Variants in WDR27 observed in about 807,000 individuals in gnomAD.
WDR27 encodes the protein WD repeat domain 27, also known as WD repeat-containing protein 27.
Under a neutral mutation model 114.4 loss-of-function variants are expected in WDR27, and 100 were observed. The observed-to-expected ratio is 0.87, with a 90% CI of 0.74 to 1.03. The LOEUF is 1.03. Among genes scored for constraint, WDR27 ranks in the 50% least tolerant of loss-of-function variants. The pLI is 0.00. For synonymous variants in WDR27, 449 were observed against 423.1 expected (o/e 1.06, Z -0.75); for missense variants, 1,129 against 1,092.9 (o/e 1.03, Z -0.47).
rs957545232 is a variant in WDR27, at chr6:169,658,281, C to T, written c.1397G>A (p.Arg466Gln). 1 of 1,598,192 alleles carries T rather than the reference C, an allele frequency of 6.3e-7. No homozygotes were observed. Among genetic ancestry groups the T allele is most frequent in the Non-Finnish European group, 8.5e-7 (1 of 1,172,408 alleles). The change falls in exon 13 of 26, where the codon CGA (arginine) becomes CAA (glutamine). Residue 466 changes from arginine to glutamine, a missense_variant. Coordinates refer to ENST00000448612, the MANE Select transcript of WDR27 (RefSeq NM_182552.5). ...EKSTKAASEQRRAARNVMKDQ... is the reference protein window; with the variant it reads ...EKSTKAASEQQRAARNVMKDQ... The stretch of plus-strand genomic sequence containing the variant: ...TCACAGCACCCTGTACTGACCACGT[C>T]GCTGTTCACTAGCAGCCTTGGTACT...
At chr6:169,599,207 A>G (rs1035857330) in intron 23 of WDR27, among the ~76,000 whole-genome samples, 8 of 150,364 alleles carry the variant, frequency 5.3e-5, no homozygotes, top group African/African-American at 2.0e-4. Context: ...TCTCAAAAAC[A>G]ATAAAGCTTT....
chr6:169,511,788 T>C (rs1482059464), intron 25 of WDR27, among the ~76,000 whole-genome samples: 2 of 152,210 alleles, frequency 1.3e-5, no homozygotes, highest in Non-Finnish European at 2.9e-5. Context: ...TCTGCCATCA[T>C]TTTATATGGT....
At chr6:169,554,420 C>A (rs963694539) in intron 25 of WDR27, among the ~76,000 whole-genome samples, 11 of 152,214 alleles carry the variant, frequency 7.2e-5, no homozygotes, top group Non-Finnish European at 1.6e-4. Flanking sequence ...GCAAGCAAAT[C>A]ACAGATGTGC....
intron 17 of WDR27, among the ~76,000 whole-genome samples, chr6:169,643,470 C>A (rs9396947): frequency 2.0e-5 from 3 of 152,298 alleles, no homozygotes; most frequent in East Asian, 3.9e-4. Context: ...TGGCTCTTGG[C>A]CTCCAGGGCA....
chr6:169,528,194 T>C (rs4716363), intron 25 of WDR27, among the ~76,000 whole-genome samples: 54,749 of 152,020 alleles, frequency 0.36, 11,104 homozygotes, highest in African/African-American at 0.55. Context: ...ATAATAAAAA[T>C]AGATCTAAGG....
At chr6:169,664,617 G>C in intron 7 of WDR27, 2 of 1,138,360 alleles carry the variant, frequency 1.8e-6, no homozygotes, top group Non-Finnish European at 2.2e-6. Flanking sequence ...ACAGCCAAGA[G>C]CACGTCCCAC....
chr6:169,437,716 A>G, the WDR27 span, among the ~76,000 whole-genome samples: 1 of 152,130 alleles, frequency 6.6e-6, no homozygotes. Flanking sequence ...TTGAATTGTA[A>G]TGTATTTTTA....
the WDR27 span, among the ~76,000 whole-genome samples, chr6:169,452,160 A>G: frequency 6.6e-6 from 1 of 152,218 alleles, no homozygotes; most frequent in African/African-American, 2.4e-5. Context: ...AGTGGAAGAT[A>G]AGTCAGTAAG....
chr6:169,483,190 T>C (rs946716931), intron 25 of WDR27, among the ~76,000 whole-genome samples: 1 of 152,026 alleles, frequency 6.6e-6, no homozygotes, highest in Non-Finnish European at 1.5e-5. Flanking sequence ...AAATCAGAGC[T>C]GAACTGAAGG....
intron 23 of WDR27, among the ~76,000 whole-genome samples, chr6:169,594,075 A>G (rs2128158994): frequency 6.6e-6 from 1 of 152,262 alleles, no homozygotes; most frequent in East Asian, 1.9e-4. Flanking sequence ...ATTTGGTGCT[A>G]TAAATTTCCC....
At chr6:169,689,249 C>A in intron 1 of WDR27, 1 of 384,894 alleles carries the variant, frequency 2.6e-6, no homozygotes, top group Non-Finnish European at 4.7e-6. Context: ...AACCTTGACT[C>A]AAATACCACT....
At position 169,488,282 on chromosome 6, in the gene WDR27, G is replaced by A. The variant is rs192168307; in HGVS notation, c.2646-30648C>T. 2.0e-5 allele frequency among the ~76,000 whole-genome samples: 3 copies of A among 152,350 alleles called. No homozygotes were observed. In the East Asian group the frequency reaches 5.8e-4, roughly 29 times the overall value. ...CCGCTGTTGCTGGAGAGGCAGCCAG[G>A]ATCTGCCTGTTTGTGTGCTTTGCAG... is the stretch of plus-strand genomic sequence containing the variant. On this transcript the variant is annotated intron_variant, in intron 25 of 25. Coordinates refer to ENST00000448612, the MANE Select transcript of WDR27 (RefSeq NM_182552.5).
rs1375287539 is a variant in WDR27, at chr6:169,645,031, A to T, written c.1658-1245T>A. On this transcript the variant is annotated intron_variant, in intron 16 of 25. Transcript: ENST00000448612. ...CTCAAAAAAAAAAAAAATAAAAAAAAAAAATAAAAAAAAAAAAAAAAAAAA... is the reference window on the plus strand; with the variant it reads ...CTCAAAAAAAAAAAAAATAAAAAAATAAAATAAAAAAAAAAAAAAAAAAAA... Among the ~76,000 whole-genome samples, 10 of 128,928 alleles carry T rather than the reference A, an allele frequency of 7.8e-5. 1 individual carries two copies. The highest frequency in any genetic ancestry group is 9.6e-5 in the Non-Finnish European group (6 of 62,226). 84.6% of individuals were successfully genotyped at this position (128,928 alleles called of 152,430 possible).
intron 25 of WDR27, among the ~76,000 whole-genome samples, chr6:169,499,963 G>A (rs899251579): frequency 6.6e-6 from 1 of 152,214 alleles, no homozygotes; most frequent in Non-Finnish European, 1.5e-5. Flanking sequence ...TGAGGGCTCT[G>A]TGAATGCCCA....
intron 25 of WDR27, among the ~76,000 whole-genome samples, chr6:169,479,474 C>T (rs747627056): frequency 1.6e-4 from 25 of 152,182 alleles, no homozygotes; most frequent in Non-Finnish European, 3.4e-4. Context: ...AAAAACTTAA[C>T]TGTCCTAAAC....
intron 25 of WDR27, among the ~76,000 whole-genome samples, chr6:169,494,617 C>A (rs764763541): frequency 6.6e-6 from 1 of 152,082 alleles, no homozygotes; most frequent in African/African-American, 2.4e-5. Context: ...TTATGGGGTG[C>A]AAAACTGCAT....
intron 21 of WDR27, among the ~76,000 whole-genome samples, chr6:169,628,653 G>A (rs1815492981): frequency 6.6e-6 from 1 of 152,220 alleles, no homozygotes. Context: ...GGACAGGATG[G>A]CTGTTCCCAT....
rs769293200 is a variant in WDR27 at position 169,662,350 on chromosome 6, G to A, written c.979C>T (p.Leu327Phe). 6.2e-7 allele frequency: 1 copy of A among 1,614,022 alleles called. No homozygotes were observed. Among genetic ancestry groups the A allele is most frequent in the Admixed American group, 1.7e-5 (1 of 60,026 alleles). ...ATGAGTGAGAGATCACAGGGTGCAA[G>A]TCTCAGTACAGGAAATGTTACTTCA... Reference protein sequence around the residue: ...QVEVTFPVLRLAPCDLSLIPN... With the variant: ...QVEVTFPVLRFAPCDLSLIPN... Residue 327 changes from leucine (L) to phenylalanine (F), a missense_variant, in exon 9 of 26, where the codon CTT (leucine) becomes TTT (phenylalanine). Leu to Phe is a conservative substitution (Grantham distance 22, BLOSUM62 0). Transcript: ENST00000448612.
intron 25 of WDR27, among the ~76,000 whole-genome samples, chr6:169,555,335 G>A (rs982781644): frequency 6.6e-6 from 1 of 152,062 alleles, no homozygotes; most frequent in African/African-American, 2.4e-5. Context: ...AAGCAAAGAA[G>A]AGCAGACTGC....
Sources: gnomAD v4.1 joint callset for allele counts (sites outside exome capture counted in the v4.1 genomes callset) on GRCh38, gnomAD v4.1.1 for gene constraint, MANE v1.5 for transcripts, NCBI Gene and HGNC (gene_info 2026-07-23, HGNC 2026-07-21) for gene names.